PLEKHD1: variants seen among roughly 807,000 people sequenced by gnomAD.
PLEKHD1 encodes pleckstrin homology domain-containing family D member 1.
In PLEKHD1, 51 loss-of-function variants were observed where a neutral mutation model predicts 69.2. The ratio of observed to expected loss-of-function variants is 0.74; its 90% CI spans 0.59 to 0.93. The LOEUF is 0.93. Among genes scored for constraint, PLEKHD1 ranks in the 40% least tolerant of loss-of-function variants. The pLI, the probability that PLEKHD1 is intolerant of heterozygous loss-of-function variation, is 0.00. For synonymous variants in PLEKHD1, 236 were observed against 244.7 expected, an observed-to-expected ratio of 0.96 and a Z score of 0.33; for missense variants, 584 against 641.0, an observed-to-expected ratio of 0.91 and a Z score of 0.96.
At chr14:69,519,646 G>A (rs1883464142) in intron 6 of PLEKHD1, among the ~76,000 whole-genome samples, 1 of 152,190 alleles carries the variant, frequency 6.6e-6, no homozygotes, top group South Asian at 2.1e-4. Context: ...GGATCTGCTG[G>A]CGTCACGAGG....
intron 6 of PLEKHD1, among the ~76,000 whole-genome samples, chr14:69,516,820 C>G (rs1161763138): frequency 6.6e-6 from 1 of 152,210 alleles, no homozygotes; most frequent in East Asian, 1.9e-4. Context: ...CAGGTGCACA[C>G]TACCATGTCC....
At chr14:69,482,729 T>A (rs1487370639), upstream of PLEKHD1, among the ~76,000 whole-genome samples, 1 of 152,102 alleles carries the variant, frequency 6.6e-6, no homozygotes, top group Non-Finnish European at 1.5e-5. Flanking sequence ...GGCCCTTGAC[T>A]GGTGAACTCC....
upstream of PLEKHD1, among the ~76,000 whole-genome samples, chr14:69,483,379 T>C (rs895549092): frequency 1.7e-4 from 26 of 151,756 alleles, no homozygotes; most frequent in African/African-American, 6.3e-4. Context: ...CAATAGGGGA[T>C]GATGGGGCCT....
chr14:69,514,188 T>C (rs888745199), intron 6 of PLEKHD1, among the ~76,000 whole-genome samples: 1 of 152,158 alleles, frequency 6.6e-6, no homozygotes, highest in Non-Finnish European at 1.5e-5. Context: ...TCCTTCTGAT[T>C]ATTCTCATTA....
Position 69,527,333 on chromosome 14 carries a change from G to A in PLEKHD1, c.1201+1G>A. 1.3e-6 allele frequency: 2 copies of A among 1,551,634 alleles called. No individual in the cohort carries two copies. Among genetic ancestry groups the A allele is most frequent in the Non-Finnish European group, 1.7e-6 (2 of 1,147,010 alleles). On this transcript the variant is annotated splice_donor_variant, in intron 11 of 12. Coordinates refer to ENST00000322564, the MANE Select transcript of PLEKHD1 (RefSeq NM_001161498.2). LOFTEE classifies it high-confidence loss of function. ...CGGGCTGATGTGAGCCATCTGAAAA[G>A]TAAGCCCTGCCTCTAGGCCCTGGCC...
chr14:69,495,910 G>A (rs1275725), intron 1 of PLEKHD1, among the ~76,000 whole-genome samples: 5,326 of 152,134 alleles, frequency 0.035, 256 homozygotes, highest in African/African-American at 0.11. Flanking sequence ...TCATTTATTC[G>A]TCATCCGACA....
chr14:69,486,959 C>T (rs1882667274), intron 1 of PLEKHD1, among the ~76,000 whole-genome samples: 1 of 152,204 alleles, frequency 6.6e-6, no homozygotes, highest in East Asian at 1.9e-4. Context: ...CCCCCAAAGC[C>T]ACCCGAAACG....
At position 69,522,349 on chromosome 14, in the gene PLEKHD1, C is replaced by G. The variant is rs1377344586; in HGVS notation, c.622C>G (p.Leu208Val). ...KQQFEEVVQE[L>V]RMEQEQIKRE... is the part of the protein sequence containing the mutation. Reference sequence around the variant, plus strand: ...GCAGTTCGAGGAGGTGGTGCAGGAGCTGAGAATGGAGCAGGAGCAGATCAA... The same window carrying G: ...GCAGTTCGAGGAGGTGGTGCAGGAGGTGAGAATGGAGCAGGAGCAGATCAA... Residue 208 changes from leucine (L) to valine (V), a missense_variant, in exon 7 of 13, where the codon CTG (leucine) becomes GTG (valine). Leu to Val is a conservative substitution (Grantham distance 32, BLOSUM62 1). Coordinates refer to ENST00000322564, the MANE Select transcript of PLEKHD1 (RefSeq NM_001161498.2). 6.4e-7 allele frequency: 1 copy of G among 1,551,532 alleles called. No homozygotes were observed. Among genetic ancestry groups the G allele is most frequent in the East Asian group, 2.4e-5 (1 of 40,910 alleles).
chr14:69,526,598 A>C, intron 9 of PLEKHD1, 99 bp from the exon 10 acceptor site: 1 of 1,370,882 alleles, frequency 7.3e-7, no homozygotes, highest in Non-Finnish European at 9.6e-7. Flanking sequence ...CCTGGGATTC[A>C]AGGTTTCTCC....
At chr14:69,517,722 G>T (rs368487659) in intron 6 of PLEKHD1, among the ~76,000 whole-genome samples, 3 of 152,134 alleles carry the variant, frequency 2.0e-5, no homozygotes, top group Middle Eastern at 3.2e-3. Flanking sequence ...AGGGCAGCAG[G>T]TTTCCACAGG....
At chr14:69,504,384 C>T (rs1594981712) in intron 6 of PLEKHD1, among the ~76,000 whole-genome samples, 1 of 152,318 alleles carries the variant, frequency 6.6e-6, no homozygotes, top group East Asian at 1.9e-4. Flanking sequence ...CTCAGAACCT[C>T]TAACTTGACT....
At chr14:69,472,317 A>G in the PLEKHD1 span, among the ~76,000 whole-genome samples, 1 of 152,196 alleles carries the variant, frequency 6.6e-6, no homozygotes, top group East Asian at 1.9e-4. Flanking sequence ...TTATAATGTA[A>G]GAAGTAAGCA....
At chr14:69,505,091 C>T (rs1472418797) in intron 6 of PLEKHD1, among the ~76,000 whole-genome samples, 1 of 152,174 alleles carries the variant, frequency 6.6e-6, no homozygotes, top group Admixed American at 6.5e-5. Flanking sequence ...TGCACACAGG[C>T]CTCCCTTAAT....
In PLEKHD1 at chr14:69,487,520, C is replaced by A. The variant is rs184168132; in HGVS notation, c.149+2406C>A. Among the ~76,000 whole-genome samples, 4 of 152,308 alleles carry A rather than the reference C, an allele frequency of 2.6e-5. No homozygotes were observed. The East Asian group carries it at 7.7e-4, about 29-fold the overall frequency. On this transcript the variant is annotated intron_variant, in intron 1 of 12. Transcript: ENST00000322564. Reference sequence around the variant, plus strand: ...CAGCACTGCATTAGTAAAGAATAAGCTGGAGAGAACTGGCTGTGGCCAGCT... The same window carrying A: ...CAGCACTGCATTAGTAAAGAATAAGATGGAGAGAACTGGCTGTGGCCAGCT...
At chr14:69,510,022 T>C (rs2139515201) in intron 6 of PLEKHD1, among the ~76,000 whole-genome samples, 1 of 152,342 alleles carries the variant, frequency 6.6e-6, no homozygotes, top group South Asian at 2.1e-4. Flanking sequence ...TTTATGTTAG[T>C]ATGTTTCCGA....
At chr14:69,524,064 GC>G (rs1359224698) in intron 7 of PLEKHD1, among the ~76,000 whole-genome samples, 164 bp from the exon 8 acceptor site, 1 of 152,168 alleles carries the variant, frequency 6.6e-6, no homozygotes, top group Admixed American at 6.5e-5. Flanking sequence ...TCAACTCCAG[GC>G]CCCTACTGCT....
Position 69,493,436 on chromosome 14 carries a change from T to C in PLEKHD1, c.150-6679T>C, listed in dbSNP as rs1882820506. Among the ~76,000 whole-genome samples, 3 of 152,314 alleles carry C rather than the reference T, an allele frequency of 2.0e-5. No homozygotes were observed. The South Asian group carries it at 6.2e-4, about 32-fold the overall frequency. On this transcript the variant is annotated intron_variant, in intron 1 of 12. Coordinates refer to ENST00000322564, the MANE Select transcript of PLEKHD1 (RefSeq NM_001161498.2). ...TCCTCTCTAGTGAAATAGTTTCCTATTTCACTAGAGAAACCTCTGTGCCTC... is the reference window on the plus strand; with the variant it reads ...TCCTCTCTAGTGAAATAGTTTCCTACTTCACTAGAGAAACCTCTGTGCCTC...
At chr14:69,471,330 C>G in the PLEKHD1 span, among the ~76,000 whole-genome samples, 1 of 151,876 alleles carries the variant, frequency 6.6e-6, no homozygotes, top group Non-Finnish European at 1.5e-5. Context: ...AGGCTGATCT[C>G]AAACTCCTGG....
upstream of PLEKHD1, among the ~76,000 whole-genome samples, chr14:69,479,882 AGAG>A (rs1882512606): frequency 1.3e-5 from 2 of 152,186 alleles, no homozygotes; most frequent in African/African-American, 2.4e-5. Flanking sequence ...ACTATTTTAT[AGAG>A]GAGGGGAAGT....
Sources: gnomAD v4.1 joint callset for allele counts (sites outside exome capture counted in the v4.1 genomes callset) on GRCh38, gnomAD v4.1.1 for gene constraint, MANE v1.5 for transcripts, NCBI Gene and HGNC (gene_info 2026-07-23, HGNC 2026-07-21) for gene names.